CMSS1: variants seen among roughly 807,000 people sequenced by gnomAD.
CMSS1 encodes protein CMSS1.
In CMSS1, 33 loss-of-function variants were observed where a neutral mutation model predicts 43.5. The ratio of observed to expected loss-of-function variants is 0.76; its 90% CI spans 0.57 to 1.01. CMSS1 has a LOEUF of 1.01. CMSS1 is among the 50% of genes least tolerant of loss of function. The pLI, the probability that CMSS1 is intolerant of heterozygous loss-of-function variation, is 0.00. For synonymous variants in CMSS1, 115 were observed against 117.2 expected, an observed-to-expected ratio of 0.98 and a Z score of 0.12; for missense variants, 313 against 326.4, an observed-to-expected ratio of 0.96 and a Z score of 0.32.
chr3:100,104,421 T>A (rs2066360238), intron 1 of CMSS1, among the ~76,000 whole-genome samples: 1 of 152,216 alleles, frequency 6.6e-6, no homozygotes, highest in Non-Finnish European at 1.5e-5. Context: ...TGACCCACAC[T>A]TTGTTTGAGA....
At chr3:99,954,624 G>A (rs557555612) in intron 1 of CMSS1, among the ~76,000 whole-genome samples, 5 of 152,164 alleles carry the variant, frequency 3.3e-5, no homozygotes, top group East Asian at 1.9e-4. Flanking sequence ...TCAGGAGTTC[G>A]AGACCAGCCT....
At chr3:100,115,850 GA>G (rs567538114) in intron 1 of CMSS1, among the ~76,000 whole-genome samples, 4 of 151,680 alleles carry the variant, frequency 2.6e-5, no homozygotes, top group Admixed American at 6.6e-5. Flanking sequence ...ATCCTTTATA[GA>G]AAAAAAATGG....
chr3:99,929,829 G>A, intron 1 of CMSS1: 1 of 1,556,948 alleles, frequency 6.4e-7, no homozygotes, highest in Non-Finnish European at 8.7e-7. Context: ...CTGCCTCCCA[G>A]GTACACACCC....
At chr3:100,053,692 T>G (rs1297965207) in intron 1 of CMSS1, among the ~76,000 whole-genome samples, 1 of 152,196 alleles carries the variant, frequency 6.6e-6, no homozygotes, top group African/African-American at 2.4e-5. Flanking sequence ...TTCTCTCATT[T>G]CTCTGAGCAT....
At chr3:99,974,459 C>T (rs1708910574) in intron 1 of CMSS1, among the ~76,000 whole-genome samples, 1 of 152,188 alleles carries the variant, frequency 6.6e-6, no homozygotes, top group Non-Finnish European at 1.5e-5. Context: ...CCTGTAATCA[C>T]AGCACTTTGG....
intron 1 of CMSS1, among the ~76,000 whole-genome samples, chr3:99,993,833 C>G (rs1420207684): frequency 6.6e-6 from 1 of 152,168 alleles, no homozygotes; most frequent in African/African-American, 2.4e-5. Context: ...CGTACTTGAT[C>G]ATGATATATT....
chr3:100,047,134 G>A (rs2065290099), intron 1 of CMSS1, among the ~76,000 whole-genome samples: 1 of 152,144 alleles, frequency 6.6e-6, no homozygotes, highest in African/African-American at 2.4e-5. Context: ...TTGGTAAAAT[G>A]GGTATAATAC....
chr3:100,168,836 G>A (rs1031851915), intron 6 of CMSS1, among the ~76,000 whole-genome samples: 13 of 150,476 alleles, frequency 8.6e-5, no homozygotes, highest in African/African-American at 2.9e-4. Context: ...ATACTAATGA[G>A]AGGATTATAT....
intron 1 of CMSS1, among the ~76,000 whole-genome samples, chr3:99,979,235 A>G (rs1020661592): frequency 6.6e-6 from 1 of 152,192 alleles, no homozygotes; most frequent in African/African-American, 2.4e-5. Context: ...AAATAAATAA[A>G]TTTTCAAAAA....
chr3:100,002,811 CT>C (rs746484268), intron 1 of CMSS1, among the ~76,000 whole-genome samples: 6 of 152,136 alleles, frequency 3.9e-5, no homozygotes, highest in Non-Finnish European at 7.3e-5. Flanking sequence ...CATCCCACCC[CT>C]ATGACTTCCC....
At chr3:100,008,351 A>AG (rs2107186026) in intron 1 of CMSS1, among the ~76,000 whole-genome samples, 1 of 152,334 alleles carries the variant, frequency 6.6e-6, no homozygotes, top group Non-Finnish European at 1.5e-5. Flanking sequence ...TGCAAGGCAA[A>AG]GAAAAAAAGC....
intron 1 of CMSS1, among the ~76,000 whole-genome samples, chr3:99,910,671 T>C (rs966387666): frequency 2.4e-5 from 3 of 123,610 alleles, no homozygotes; most frequent in Non-Finnish European, 5.7e-5. Context: ...TAAATAAACA[T>C]TTTATGGGGT....
At chr3:99,835,992 T>C (rs1942881041) in intron 1 of CMSS1, among the ~76,000 whole-genome samples, 1 of 152,016 alleles carries the variant, frequency 6.6e-6, no homozygotes, top group African/African-American at 2.4e-5. Flanking sequence ...GGTGAAGATG[T>C]GAGGGTATGT....
At chr3:100,045,256 G>A (rs1221976273) in intron 1 of CMSS1, among the ~76,000 whole-genome samples, 13 of 152,168 alleles carry the variant, frequency 8.5e-5, no homozygotes, top group African/African-American at 1.2e-4. Flanking sequence ...AAAGGGATGC[G>A]TACAGCACAT....
intron 1 of CMSS1, chr3:100,025,292 G>A (rs1244232663): frequency 6.6e-6 from 1 of 152,136 alleles, no homozygotes. Context: ...AAACAAAACT[G>A]CTTTTGGGTT....
intron 1 of CMSS1, among the ~76,000 whole-genome samples, chr3:99,862,300 C>T (rs377439106): frequency 2.4e-4 from 37 of 152,162 alleles, no homozygotes; most frequent in East Asian, 1.2e-3. Context: ...AGTGAGACAA[C>T]GTCAGTCACA....
chr3:100,012,607 C>T (rs954571123), intron 1 of CMSS1, among the ~76,000 whole-genome samples: 24 of 152,056 alleles, frequency 1.6e-4, no homozygotes, highest in Admixed American at 3.9e-4. Flanking sequence ...ATTCCCCCAC[C>T]GTGGGCCTAA....
At chr3:99,954,671 C>A (rs541605644) in intron 1 of CMSS1, among the ~76,000 whole-genome samples, 206 of 152,012 alleles carry the variant, frequency 1.4e-3, no homozygotes, top group Non-Finnish European at 1.8e-3. Context: ...ACTAAAAATA[C>A]AAAAATTAGC....
At position 99,827,824 on chromosome 3, in the gene CMSS1, C is replaced by T. The variant is rs114175182; in HGVS notation, c.64+9781C>T. Among the ~76,000 whole-genome samples the T allele has an allele frequency of 5.8e-3, 876 of 151,942 alleles. 11 individuals carry two copies. Among genetic ancestry groups the T allele is most frequent in the African/African-American group, 0.016 (674 of 41,444 alleles). The stretch of plus-strand genomic sequence containing the variant: ...TTCTCCACGTTGGTGAAGCTGGTCT[C>T]GAACTCCCAACCTCAGGTGATCCAC... On this transcript the variant is annotated intron_variant, in intron 1 of 9. Coordinates refer to ENST00000421999, the MANE Select transcript of CMSS1 (RefSeq NM_032359.4).
Sources: gnomAD v4.1 joint callset for allele counts (sites outside exome capture counted in the v4.1 genomes callset) on GRCh38, gnomAD v4.1.1 for gene constraint, MANE v1.5 for transcripts, NCBI Gene and HGNC (gene_info 2026-07-23, HGNC 2026-07-21) for gene names.